The following ATG5 variants were observed in gnomAD, a reference collection of about 807,000 sequenced individuals.
The protein encoded by ATG5 is autophagy protein 5.
A neutral mutation model predicts 36.5 loss-of-function variants in ATG5; 14 were observed. The ratio of observed to expected loss-of-function variants is 0.38; its 90% CI spans 0.25 to 0.60. The LOEUF (loss-of-function observed/expected upper bound fraction) is 0.60, where lower values mean the gene tolerates loss of function less well. Ranked by LOEUF, ATG5 falls within the 20% of genes least tolerant of loss-of-function variation. The pLI, the probability that ATG5 is intolerant of heterozygous loss-of-function variation, is 0.60. For synonymous variants in ATG5, 95 were observed against 101.5 expected (o/e 0.94, Z 0.38); for missense variants, 195 against 326.7 (o/e 0.60, Z 3.11).
intron 3 of ATG5, among the ~76,000 whole-genome samples, chr6:106,304,506 G>GA (rs1356892419): frequency 2.0e-5 from 3 of 151,938 alleles, no homozygotes; most frequent in East Asian, 3.9e-4. Context: ...CAACAAAAAG[G>GA]AAAAAACCAC....
At chr6:106,221,381 C>T (rs2114428110) in intron 6 of ATG5, among the ~76,000 whole-genome samples, 1 of 152,160 alleles carries the variant, frequency 6.6e-6, no homozygotes, top group Non-Finnish European at 1.5e-5. Flanking sequence ...TTAACCTAAA[C>T]TTTTATCAAA....
intron 6 of ATG5, among the ~76,000 whole-genome samples, chr6:106,229,565 AAAAC>A (rs1375468281): frequency 6.6e-6 from 1 of 150,548 alleles, no homozygotes; most frequent in African/African-American, 2.4e-5. Context: ...ATAGTAAAAA[AAAAC>A]AGTGTGCCCT....
intron 5 of ATG5, among the ~76,000 whole-genome samples, chr6:106,276,479 A>AG (rs1310128804): frequency 6.6e-6 from 1 of 151,724 alleles, no homozygotes; most frequent in African/African-American, 2.4e-5. Flanking sequence ...AAAAAAAAAA[A>AG]AGAAACTGAA....
chr6:106,266,060 C>T (rs1045286008), intron 5 of ATG5, among the ~76,000 whole-genome samples: 12 of 151,450 alleles, frequency 7.9e-5, no homozygotes, highest in African/African-American at 2.9e-4. Flanking sequence ...ATGAATCCAG[C>T]AGCTGGTTTT....
At chr6:106,264,729 T>C (rs894787756) in intron 5 of ATG5, among the ~76,000 whole-genome samples, 12 of 152,194 alleles carry the variant, frequency 7.9e-5, no homozygotes, top group African/African-American at 2.9e-4. Flanking sequence ...CAGAATTTCA[T>C]ATCCAGCCAA....
chr6:106,221,596 G>C (rs955123856), intron 6 of ATG5, among the ~76,000 whole-genome samples: 2 of 149,192 alleles, frequency 1.3e-5, no homozygotes, highest in African/African-American at 4.9e-5. Flanking sequence ...TGAGGGAGGA[G>C]AATCACCAGG....
rs1468889441 is a variant in ATG5, at chr6:106,324,684, TC to T, written c.-59+841del. Reference sequence around the variant, plus strand: ...CCATACAGTTCCATTCTGTACACTTTCCCCCAATTTTAAGTAGCATATCTTT... The same window carrying T: ...CCATACAGTTCCATTCTGTACACTTTCCCCAATTTTAAGTAGCATATCTTT... On this transcript the variant is annotated intron_variant, in intron 1 of 7. Coordinates refer to ENST00000369076, the MANE Select transcript of ATG5 (RefSeq NM_004849.4). Among the ~76,000 whole-genome samples, 4 of 152,236 alleles carry T rather than the reference TC, an allele frequency of 2.6e-5. No homozygotes were observed. The East Asian group carries it at 5.8e-4, about 22-fold the overall frequency.
At chr6:106,254,294 T>C (rs1012131267) in intron 5 of ATG5, among the ~76,000 whole-genome samples, 2 of 152,204 alleles carry the variant, frequency 1.3e-5, no homozygotes, top group Non-Finnish European at 1.5e-5. Context: ...TAAATACTTA[T>C]CGTTACTTCA....
chr6:106,186,712 C>A, intron 7 of ATG5, 36 bp from the exon 8 acceptor site: 1 of 1,605,260 alleles, frequency 6.2e-7, no homozygotes, highest in South Asian at 1.1e-5. Flanking sequence ...CAATAAAAGT[C>A]AAAACAGTTG....
At chr6:106,246,572 G>C (rs1778349312) in intron 6 of ATG5, among the ~76,000 whole-genome samples, 1 of 151,998 alleles carries the variant, frequency 6.6e-6, no homozygotes, top group Non-Finnish European at 1.5e-5. Context: ...ACTATATTCT[G>C]ACAATAATAA....
At chr6:106,251,898 T>C (rs1223122331) in intron 5 of ATG5, among the ~76,000 whole-genome samples, 1 of 151,918 alleles carries the variant, frequency 6.6e-6, no homozygotes, top group Non-Finnish European at 1.5e-5. Context: ...TGGAGTGCAG[T>C]GGCGAGATCT....
At chr6:106,251,355 G>A (rs1330861033) in intron 5 of ATG5, among the ~76,000 whole-genome samples, 2 of 151,918 alleles carry the variant, frequency 1.3e-5, no homozygotes, top group African/African-American at 4.8e-5. Context: ...TTGCAGGTGG[G>A]ACCCCTTACA....
chr6:106,198,720 T>C (rs951500002), intron 7 of ATG5, among the ~76,000 whole-genome samples: 3 of 151,390 alleles, frequency 2.0e-5, no homozygotes, highest in African/African-American at 7.3e-5. Context: ...AGGTTGCAGT[T>C]AGCCAAGATT....
At chr6:106,245,285 T>A (rs1778283108) in intron 6 of ATG5, among the ~76,000 whole-genome samples, 2 of 152,194 alleles carry the variant, frequency 1.3e-5, no homozygotes. Context: ...TTGATGACAA[T>A]CTTTACAAAA....
intron 4 of ATG5, among the ~76,000 whole-genome samples, chr6:106,287,165 G>C (rs1024602676): frequency 2.6e-5 from 4 of 152,200 alleles, no homozygotes; most frequent in African/African-American, 4.8e-5. Flanking sequence ...ATACACTCAA[G>C]AACTTCAGGA....
intron 7 of ATG5, among the ~76,000 whole-genome samples, chr6:106,199,986 G>A (rs948704058): frequency 2.0e-5 from 3 of 152,064 alleles, no homozygotes; most frequent in African/African-American, 7.2e-5. Context: ...TAATAATTTG[G>A]GTAGTCAGTG....
At chr6:106,321,581 A>G (rs1375940687) in intron 1 of ATG5, among the ~76,000 whole-genome samples, 8 of 151,768 alleles carry the variant, frequency 5.3e-5, no homozygotes, top group African/African-American at 1.9e-4. Context: ...GATGGTCTCG[A>G]TCTCCTGACC....
rs1192213585 is a variant in ATG5, at chr6:106,263,156, C to T, written c.479-14912G>A. On this transcript the variant is annotated intron_variant, in intron 5 of 7. Coordinates refer to ENST00000369076, the MANE Select transcript of ATG5 (RefSeq NM_004849.4). ...CGACCTGGAATGATCAAGCTTGGTG[C>T]GGGGAGGGGCATCTGACATTACTGA... Among the ~76,000 whole-genome samples the T allele has an allele frequency of 4.6e-5, 7 of 152,120 alleles. 1 individual carries two copies. Among genetic ancestry groups the T allele is most frequent in the South Asian group, 2.1e-4 (1 of 4,822 alleles).
intron 6 of ATG5, among the ~76,000 whole-genome samples, chr6:106,240,319 ATTATT>A (rs1778069944): frequency 6.7e-6 from 1 of 149,012 alleles, no homozygotes; most frequent in African/African-American, 2.4e-5. Context: ...ATCTATAAAA[ATTATT>A]TTATAAAATA....
Sources: allele counts gnomAD v4.1 joint callset (sites outside exome capture counted in the v4.1 genomes callset), GRCh38; gene constraint gnomAD v4.1.1; transcripts MANE v1.5; gene names NCBI Gene and HGNC (gene_info 2026-07-23, HGNC 2026-07-21).